The following TYK2 variants were observed in gnomAD, a reference collection of about 807,000 sequenced individuals.
TYK2 encodes non-receptor tyrosine-protein kinase TYK2.
In TYK2, 65 loss-of-function variants were observed where a neutral mutation model predicts 130.9. The ratio of observed to expected loss-of-function variants is 0.50; its 90% CI spans 0.41 to 0.61. TYK2 has a LOEUF of 0.61. TYK2 is among the 20% of genes least tolerant of loss of function. The pLI is 0.00. For synonymous variants in TYK2, 647 were observed against 658.9 expected (o/e 0.98, Z 0.28); for missense variants, 1,378 against 1,610.7 (o/e 0.86, Z 2.47).
intron 3 of TYK2, chr19:10,368,732 A>T (rs2041784613): frequency 2.6e-6 from 1 of 382,526 alleles, no homozygotes; most frequent in South Asian, 2.2e-5. Context: ...CACCCGAGGT[A>T]TGATGAAGGC....
At chr19:10,360,910 G>A (rs1343250027) in intron 14 of TYK2, 7 of 270,856 alleles carry the variant, frequency 2.6e-5, no homozygotes, top group Non-Finnish European at 3.7e-5. Context: ...AGGTCACCAT[G>A]CCTGGCCCTG....
chr19:10,357,294 C>T (rs1361659116), intron 17 of TYK2: 7 of 581,478 alleles, frequency 1.2e-5, no homozygotes, highest in Non-Finnish European at 2.2e-5. Flanking sequence ...GAGGCTGAGA[C>T]AGGAGAATCG....
intron 3 of TYK2, among the ~76,000 whole-genome samples, chr19:10,373,488 G>A (rs188016736): frequency 6.0e-4 from 91 of 151,728 alleles, no homozygotes; most frequent in Non-Finnish European, 1.9e-4. Context: ...GCGTCACCAC[G>A]CCCAGCTAAT....
At chr19:10,352,859 C>T (rs757123127) in intron 22 of TYK2, 67 bp downstream of exon 22, 2 of 1,508,882 alleles carry the variant, frequency 1.3e-6, no homozygotes, top group Admixed American at 2.0e-5. Context: ...ACCCAGCATC[C>T]GTCTACTCCA....
Position 10,353,129 on chromosome 19 carries a change from G to A in TYK2, c.3028-31C>T, listed in dbSNP as rs1365851945. On this transcript the variant is annotated intron_variant, in intron 21 of 24. Coordinates refer to ENST00000525621, the MANE Select transcript of TYK2 (RefSeq NM_003331.5). The surrounding 1 kb of genome is among the most constrained non-coding windows in gnomAD (Gnocchi z 6.9). The stretch of plus-strand genomic sequence containing the variant: ...GACGGGGCAGGGCTCGTGAGTTTCA[G>A]TGGGGCGGGGTTCGGCCGGGGGCGG... The A allele has an allele frequency of 6.8e-7, 1 of 1,473,062 alleles. No homozygotes were observed. The highest frequency in any genetic ancestry group is 1.4e-5 in the South Asian group (1 of 72,926). 91.2% of individuals were successfully genotyped at this position (1,473,062 alleles called of 1,614,324 possible). A position where few individuals can be genotyped will look rare whatever the true frequency, so the allele number is the denominator to read the frequency against.
intron 1 of TYK2, among the ~76,000 whole-genome samples, 165 bp downstream of exon 1, chr19:10,380,215 G>A (rs917705246): frequency 3.9e-5 from 6 of 152,228 alleles, no homozygotes; most frequent in Admixed American, 6.5e-5. Flanking sequence ...CTTTCGCGGA[G>A]CCTACTTCCT....
chr19:10,359,307 A>G lies in TYK2; in HGVS notation c.2048-5T>C. 5 of 1,610,454 alleles carry G rather than the reference A, an allele frequency of 3.1e-6. No homozygotes were observed. Among genetic ancestry groups the G allele is most frequent in the Admixed American group, 1.7e-5 (1 of 59,912 alleles). ...CGTACTCTGTCACCATGATATCTGT[A>G]AAGACACAGCTGCTCTGGGGCAACC... On this transcript the variant is annotated splice_region_variant and splice_polypyrimidine_tract_variant and intron_variant, in intron 14 of 24. Coordinates refer to ENST00000525621, the MANE Select transcript of TYK2 (RefSeq NM_003331.5).
rs751227017 is a variant in TYK2, at chr19:10,351,138, C to T, written c.3343G>A (p.Ala1115Thr). 8.1e-6 allele frequency: 13 copies of T among 1,614,090 alleles called. No homozygotes were observed. The highest frequency in any genetic ancestry group is 1.1e-5 in the Non-Finnish European group (13 of 1,180,004). The change falls in exon 24 of 25, where the codon GCT (alanine) becomes ACT (threonine). Residue 1115 changes from alanine (A) to threonine (T), a missense_variant. Ala to Thr is a moderately conservative substitution (Grantham distance 58). Coordinates refer to ENST00000525621, the MANE Select transcript of TYK2 (RefSeq NM_003331.5). ...CTCAGAACTGTCATCTGACCCTGAG[C>T]AATGCCTATGAGCTCAAGGAATTTC... is the stretch of plus-strand genomic sequence containing the variant. ...PTKFLELIGIAQGQMTVLRLT... is the reference protein window; with the variant it reads ...PTKFLELIGITQGQMTVLRLT...
At chr19:10,377,384 A>ATAGG (rs1393518716) in intron 3 of TYK2, among the ~76,000 whole-genome samples, 1 of 110,484 alleles carries the variant, frequency 9.1e-6, no homozygotes, top group Non-Finnish European at 1.9e-5. Context: ...AGATGGATGA[A>ATAGG]TAGGTGGGTG....
chr19:10,357,033 T>C (rs760378749), intron 17 of TYK2: 33 of 459,322 alleles, frequency 7.2e-5, no homozygotes, highest in Non-Finnish European at 1.3e-4. Flanking sequence ...GCACAGGCCA[T>C]GCACTCTGCC....
intron 1 of TYK2, among the ~76,000 whole-genome samples, chr19:10,380,173 T>C (rs966066774): frequency 1.3e-5 from 2 of 152,246 alleles, no homozygotes; most frequent in Non-Finnish European, 1.5e-5. Flanking sequence ...TTAATACCTA[T>C]TCATGTTATA....
At position 10,354,068 on chromosome 19, in the gene TYK2, TTGA is replaced by T; in HGVS notation, c.2879_2881del (p.Ile960del). On this transcript the variant is annotated inframe_deletion, in exon 20 of 25. Coordinates refer to ENST00000525621, the MANE Select transcript of TYK2 (RefSeq NM_003331.5). The stretch of plus-strand genomic sequence containing the variant: ...TTGGTCCTCGCAGCAGCCCTTGTAC[TTGA>T]TGATGTGCTCGTGGTAGAGCGTGCG... The T allele has an allele frequency of 6.2e-7, 1 of 1,614,098 alleles. No homozygotes were observed. The highest frequency in any genetic ancestry group is 8.5e-7 in the Non-Finnish European group (1 of 1,180,024).
intron 9 of TYK2, among the ~76,000 whole-genome samples, chr19:10,363,692 G>A (rs372839032): frequency 1.3e-5 from 2 of 152,178 alleles, no homozygotes; most frequent in East Asian, 1.9e-4. Flanking sequence ...CAACATAGGG[G>A]CCAGGGCATC....
In TYK2 at chr19:10,352,949, C is replaced by T; in HGVS notation, c.3177G>A (p.Glu1059=). The change falls in exon 22 of 25, where the codon GAG becomes GAA. Residue 1059 remains glutamate (E), a synonymous_variant. Transcript: ENST00000525621. The stretch of plus-strand genomic sequence containing the variant: ...ACCAGAACACGGGGCTGTCCCCATC[C>T]TCGCGCACGCGGTAGTACTCGTGGC... ...PEGHEYYRVR[E]DGDSPVFWYA... 7.5e-6 allele frequency: 12 copies of T among 1,608,068 alleles called. No homozygotes were observed. The highest frequency in any genetic ancestry group is 9.3e-6 in the Non-Finnish European group (11 of 1,177,346).
At chr19:10,362,209 G>A in intron 11 of TYK2, 28 bp from the exon 12 acceptor site, 1 of 1,613,910 alleles carries the variant, frequency 6.2e-7, no homozygotes, top group Non-Finnish European at 8.5e-7. Flanking sequence ...GTCATGGAGG[G>A]CGGGCCTGGG....
intron 3 of TYK2, among the ~76,000 whole-genome samples, chr19:10,375,198 A>C (rs1037851325): frequency 6.6e-6 from 1 of 151,978 alleles, no homozygotes; most frequent in Non-Finnish European, 1.5e-5. Context: ...CTCAGCCATC[A>C]ATGGGGAAGT....
chr19:10,378,122 ATGGGTGGG>A (rs1477392233), intron 3 of TYK2, 84 bp downstream of exon 3: 4 of 1,149,750 alleles, frequency 3.5e-6, no homozygotes, highest in Non-Finnish European at 4.7e-6. Context: ...GGGTGGGTGG[ATGGGTGGG>A]TGGGTGGATA....
In TYK2 at chr19:10,361,325, G is replaced by A. The variant is rs1471807743; in HGVS notation, c.2047+186C>T. The A allele has an allele frequency of 7.6e-6, 5 of 659,250 alleles. No individual in the cohort carries two copies. Among genetic ancestry groups the A allele is most frequent in the South Asian group, 3.5e-5 (2 of 57,584 alleles). The allele number at this position is 659,250 out of a possible 1,614,324, so 40.8% of individuals were successfully genotyped here. A position where few individuals can be genotyped will look rare whatever the true frequency, so the allele number is the denominator to read the frequency against. On this transcript the variant is annotated intron_variant, in intron 14 of 24. Transcript: ENST00000525621. This position sits in a 1 kb window ranked among gnomAD's most constrained non-coding sequence, Gnocchi z 4.0. ...CGTGTTGGGATGTAAGTTATGGGCT[G>A]GAATATCGTTAGGGGTTGGGGTCTA...
Position 10,350,651 on chromosome 19 carries a change from TTAGGC to T in TYK2, c.*178_*182del. On this transcript the variant is annotated 3_prime_UTR_variant, in exon 25 of 25. Coordinates refer to ENST00000525621, the MANE Select transcript of TYK2 (RefSeq NM_003331.5). Reference sequence around the variant, plus strand: ...AATGTTGGGTCCCTCAAGATCATGGTTAGGCTCACGGCCAAGAAAGAAAAATAAGT... The same window carrying T: ...AATGTTGGGTCCCTCAAGATCATGGTTCACGGCCAAGAAAGAAAAATAAGT... 1.5e-6 allele frequency: 1 copy of T among 687,700 alleles called. No homozygotes were observed. The highest frequency in any genetic ancestry group is 1.9e-5 in the South Asian group (1 of 52,114). The allele number at this position is 687,700 out of a possible 1,614,324, so 42.6% of individuals were successfully genotyped here.
Sources: allele counts gnomAD v4.1 joint callset (sites outside exome capture counted in the v4.1 genomes callset), GRCh38; gene constraint gnomAD v4.1.1; non-coding constraint Gnocchi (gnomAD v3.1); transcripts MANE v1.5; gene names NCBI Gene and HGNC (gene_info 2026-07-23, HGNC 2026-07-21).